RREB1: variants seen among roughly 807,000 people sequenced by gnomAD.
RREB1 encodes the protein ras responsive element binding protein 1, also known as ras-responsive element-binding protein 1.
Under a neutral mutation model 117.8 loss-of-function variants are expected in RREB1, and 27 were observed. That is an observed-to-expected ratio of 0.23 (90% confidence interval 0.17 to 0.32). The LOEUF (loss-of-function observed/expected upper bound fraction) is 0.32, where lower values mean the gene tolerates loss of function less well. RREB1 is among the 10% of genes least tolerant of loss of function. The pLI, the probability that RREB1 is intolerant of heterozygous loss-of-function variation, is 1.00. For synonymous variants in RREB1, 1,298 were observed against 1,026.7 expected, an observed-to-expected ratio of 1.26 and a Z score of -5.05; for missense variants, 2,577 against 2,378.2, an observed-to-expected ratio of 1.08 and a Z score of -1.74.
intron 6 of RREB1, among the ~76,000 whole-genome samples, chr6:7,190,700 A>G (rs1312106500): frequency 6.6e-6 from 1 of 151,142 alleles, no homozygotes; most frequent in Non-Finnish European, 1.5e-5. Flanking sequence ...TTAGCTTTTT[A>G]TTTTTTTACC....
At chr6:7,149,953 T>A (rs909894309) in intron 1 of RREB1, among the ~76,000 whole-genome samples, 1 of 151,942 alleles carries the variant, frequency 6.6e-6, no homozygotes, top group Non-Finnish European at 1.5e-5. Flanking sequence ...CCTCCCAAAG[T>A]GCTGGGATTA....
At chr6:7,139,242 G>A (rs1762463362) in intron 1 of RREB1, 1 of 152,192 alleles carries the variant, frequency 6.6e-6, no homozygotes, top group Non-Finnish European at 1.5e-5. Context: ...AGAGAAAGTT[G>A]GCTTCAGACA....
At position 7,226,364 on chromosome 6, in the gene RREB1, G is replaced by C. The variant is rs541256520; in HGVS notation, c.708-103G>C. ...CATTTTTATTTTACTCAATTGAAAT[G>C]AATCAACAAAAACTTAAGTCTGGAA... On this transcript the variant is annotated intron_variant, in intron 8 of 12. Transcript: ENST00000379938. 3 of 781,410 alleles carry C rather than the reference G, an allele frequency of 3.8e-6. No individual in the cohort carries two copies. In the South Asian group the frequency reaches 6.7e-5, roughly 18 times the overall value. The allele number at this position is 781,410 out of a possible 1,614,324, so 48.4% of individuals were successfully genotyped here.
chr6:7,240,101 C>T (rs1253377763), intron 10 of RREB1, among the ~76,000 whole-genome samples: 1 of 152,230 alleles, frequency 6.6e-6, no homozygotes, highest in Non-Finnish European at 1.5e-5. Flanking sequence ...TAGGTGTTTT[C>T]TTGCTGTGCT....
At chr6:7,221,672 C>T (rs1767267425) in intron 8 of RREB1, among the ~76,000 whole-genome samples, 1 of 152,134 alleles carries the variant, frequency 6.6e-6, no homozygotes, top group Non-Finnish European at 1.5e-5. Flanking sequence ...AGTGCTTGTG[C>T]AGGCTGGGAG....
chr6:7,231,433 GCCA>G lies in RREB1; in HGVS notation c.3340_3342del (p.Thr1114del), dbSNP rs769732144. On this transcript the variant is annotated inframe_deletion, in exon 10 of 13. Transcript: ENST00000379938. ...CTTAGGAGGTTCTGTCCCCAAAGCC[GCCA>G]CCACCGCCACCCCCGCTGCCACCAC... 1.1e-4 allele frequency: 180 copies of G among 1,612,446 alleles called. 1 individual carries two copies. The Middle Eastern group carries it at 1.7e-3, about 15-fold the overall frequency.
chr6:7,230,862 C>G lies in RREB1; in HGVS notation c.2763C>G (p.Ser921Arg). 6.2e-7 allele frequency: 1 copy of G among 1,614,246 alleles called. No individual in the cohort carries two copies. Among genetic ancestry groups the G allele is most frequent in the Non-Finnish European group, 8.5e-7 (1 of 1,180,042 alleles). ...AGCAGGAAAACATCTCCTTTCTGAGCCCTTCTTCCCTGGTCCCCTATGACT... is the reference window on the plus strand; with the variant it reads ...AGCAGGAAAACATCTCCTTTCTGAGGCCTTCTTCCCTGGTCCCCTATGACT... ...QVKQENISFL[S>R]PSSLVPYDCS... The change falls in exon 10 of 13, where the codon AGC becomes AGG. Residue 921 changes from serine to arginine, a missense_variant. Coordinates refer to ENST00000379938, the MANE Select transcript of RREB1 (RefSeq NM_001003699.4).
chr6:7,223,390 C>G lies in RREB1; in HGVS notation c.708-3077C>G, dbSNP rs1039077134. Among the ~76,000 whole-genome samples the G allele has an allele frequency of 4.6e-5, 7 of 151,750 alleles. 1 individual carries two copies. The highest frequency in any genetic ancestry group is 3.3e-4 in the Admixed American group (5 of 15,256). On this transcript the variant is annotated intron_variant, in intron 8 of 12. Transcript: ENST00000379938. ...CAGCCTGGCCAACATGGAGAAACCCCGTCTCTACTAAAACACAAAAATTAG... is the reference window on the plus strand; with the variant it reads ...CAGCCTGGCCAACATGGAGAAACCCGGTCTCTACTAAAACACAAAAATTAG...
At chr6:7,135,666 C>T (rs1015523577) in intron 1 of RREB1, among the ~76,000 whole-genome samples, 7 of 152,292 alleles carry the variant, frequency 4.6e-5, no homozygotes, top group African/African-American at 1.4e-4. Context: ...TCTTAGTATT[C>T]TACCTTTGTC....
chr6:7,128,148 A>G (rs1022869290), intron 1 of RREB1, among the ~76,000 whole-genome samples: 4 of 152,184 alleles, frequency 2.6e-5, no homozygotes, highest in African/African-American at 9.7e-5. Context: ...GGGTTGTGCA[A>G]AATGGGGGTA....
At chr6:7,126,112 C>T (rs1048184523) in intron 1 of RREB1, among the ~76,000 whole-genome samples, 8 of 152,166 alleles carry the variant, frequency 5.3e-5, no homozygotes, top group Admixed American at 4.6e-4. Flanking sequence ...AGTGATTCTC[C>T]TGCCTCAGCC....
At chr6:7,202,806 A>T (rs1420420909) in intron 6 of RREB1, among the ~76,000 whole-genome samples, 2 of 152,002 alleles carry the variant, frequency 1.3e-5, no homozygotes, top group Non-Finnish European at 2.9e-5. Flanking sequence ...ATGTCTCTGG[A>T]CTCACCCAGG....
intron 10 of RREB1, among the ~76,000 whole-genome samples, chr6:7,232,905 C>CT (rs1198399201): frequency 6.6e-6 from 1 of 150,854 alleles, no homozygotes; most frequent in Non-Finnish European, 1.5e-5. Flanking sequence ...AAGTATTTTT[C>CT]TTTTTTTGAG....
intron 1 of RREB1, among the ~76,000 whole-genome samples, chr6:7,117,342 G>A (rs1761445398): frequency 6.7e-6 from 1 of 149,606 alleles, no homozygotes; most frequent in East Asian, 2.0e-4. Flanking sequence ...GGAAGATGGG[G>A]TGGGTGTTCT....
At chr6:7,146,093 C>A (rs1392576234) in intron 1 of RREB1, among the ~76,000 whole-genome samples, 1 of 151,962 alleles carries the variant, frequency 6.6e-6, no homozygotes, top group Non-Finnish European at 1.5e-5. Flanking sequence ...ACTATACTCC[C>A]CCCACCAACA....
chr6:7,165,415 G>A (rs192784203), intron 1 of RREB1, among the ~76,000 whole-genome samples: 22 of 152,258 alleles, frequency 1.4e-4, no homozygotes, highest in Admixed American at 1.2e-3. Context: ...AGTAAATTAC[G>A]GGTGGTGAGC....
chr6:7,201,876 GT>G (rs1766005478), intron 6 of RREB1, among the ~76,000 whole-genome samples: 1 of 152,150 alleles, frequency 6.6e-6, no homozygotes, highest in Admixed American at 6.5e-5. Context: ...CTCCTCTCCA[GT>G]TTCTGTTGGT....
chr6:7,223,821 C>T (rs1767428127), intron 8 of RREB1, among the ~76,000 whole-genome samples: 1 of 152,178 alleles, frequency 6.6e-6, no homozygotes, highest in Non-Finnish European at 1.5e-5. Context: ...TTTGCAGCCA[C>T]CTCTCAGTCC....
At chr6:7,221,306 C>G (rs1767236895) in intron 8 of RREB1, among the ~76,000 whole-genome samples, 1 of 151,904 alleles carries the variant, frequency 6.6e-6, no homozygotes. Context: ...GTAGCTGGGA[C>G]TACAGGCGCC....
Sources: gnomAD v4.1 joint callset for allele counts (sites outside exome capture counted in the v4.1 genomes callset) on GRCh38, gnomAD v4.1.1 for gene constraint, MANE v1.5 for transcripts, NCBI Gene and HGNC (gene_info 2026-07-23, HGNC 2026-07-21) for gene names.